KANK1: variants seen among roughly 807,000 people sequenced by gnomAD.
KANK1 encodes the protein KN motif and ankyrin repeat domain-containing protein 1.
Under a neutral mutation model 106.2 loss-of-function variants are expected in KANK1, and 109 were observed. The ratio of observed to expected loss-of-function variants is 1.03; its 90% CI spans 0.88 to 1.20. KANK1 has a LOEUF of 1.20. KANK1 is among the 50% of genes most tolerant of loss of function. The pLI, the probability that KANK1 is intolerant of heterozygous loss-of-function variation, is 0.00. For missense variants in KANK1, 2,399 were observed against 1,710.7 expected, an observed-to-expected ratio of 1.40 and a Z score of -7.10; for synonymous variants, 873 against 652.2, an observed-to-expected ratio of 1.34 and a Z score of -5.16.
In KANK1 at chr9:744,944, G is replaced by C. The variant is rs1836803690; in HGVS notation, c.3997-229G>C. ...GATGGCAGGCAGCCTGTAGTCCACA[G>C]TTCACTCTGAGTGGGAAGGTGACTT... is the stretch of plus-strand genomic sequence containing the variant. On this transcript the variant is annotated intron_variant, in intron 11 of 11. Coordinates refer to ENST00000382297, the MANE Select transcript of KANK1 (RefSeq NM_015158.5). 5.5e-5 allele frequency: 80 copies of C among 1,444,584 alleles called. 2 individuals carry two copies. The South Asian group carries it at 1.1e-3, about 20-fold the overall frequency. 89.5% of individuals were successfully genotyped at this position (1,444,584 alleles called of 1,614,324 possible). A position where few individuals can be genotyped will look rare whatever the true frequency, so the allele number is the denominator to read the frequency against.
chr9:559,938 T>C (rs1335950150), intron 1 of KANK1, among the ~76,000 whole-genome samples: 1 of 152,246 alleles, frequency 6.6e-6, no homozygotes, highest in East Asian at 1.9e-4. Context: ...TTTTACCATG[T>C]ATTATAGTTA....
chr9:742,135 C>G (rs1212452062), intron 9 of KANK1, 70 bp from the exon 10 acceptor site: 12 of 1,318,494 alleles, frequency 9.1e-6, no homozygotes, highest in Non-Finnish European at 1.3e-5. Flanking sequence ...TTCCCTAGCA[C>G]AGCCCCACTA....
intron 1 of KANK1, among the ~76,000 whole-genome samples, chr9:539,321 C>G (rs1436721906): frequency 6.6e-6 from 1 of 152,194 alleles, no homozygotes; most frequent in East Asian, 1.9e-4. Flanking sequence ...AGTATTAAAT[C>G]TGTAGGTCAC....
In KANK1 at chr9:594,807, A is replaced by G. The variant is rs144958473; in HGVS notation, c.-83-82083A>G. Among the ~76,000 whole-genome samples the G allele has an allele frequency of 7.8e-3, 1,192 of 151,964 alleles. 14 individuals carry two copies. The highest frequency in any genetic ancestry group is 0.014 in the Middle Eastern group (4 of 294). On this transcript the variant is annotated intron_variant, in intron 1 of 11. Coordinates refer to ENST00000382297, the MANE Select transcript of KANK1 (RefSeq NM_015158.5). ...ATGAGGAGAAGGCTTTTAAAACCAAATATAAAAATCTGGAGAGTTCAGATT... is the reference window on the plus strand; with the variant it reads ...ATGAGGAGAAGGCTTTTAAAACCAAGTATAAAAATCTGGAGAGTTCAGATT...
chr9:615,406 A>G (rs1831567015), intron 1 of KANK1, among the ~76,000 whole-genome samples: 1 of 152,150 alleles, frequency 6.6e-6, no homozygotes. Context: ...TTCTTTCTAC[A>G]GAAGTATCAC....
At chr9:582,496 G>A (rs1822425012) in intron 1 of KANK1, among the ~76,000 whole-genome samples, 1 of 152,104 alleles carries the variant, frequency 6.6e-6, no homozygotes, top group Admixed American at 6.5e-5. Context: ...CTCACACTGT[G>A]CACTTTTGCC....
intron 1 of KANK1, among the ~76,000 whole-genome samples, chr9:603,488 C>T (rs1828292299): frequency 6.6e-6 from 1 of 151,728 alleles, no homozygotes; most frequent in African/African-American, 2.4e-5. Flanking sequence ...TTCTTGGTGC[C>T]TTTAGACCTA....
At chr9:492,302 T>C (rs909646799) in intron 3 of KANK1, 19 of 152,196 alleles carry the variant, frequency 1.2e-4, no homozygotes, top group African/African-American at 4.6e-4. Flanking sequence ...TTGCAAAGCA[T>C]CGATAGTTAG....
intron 1 of KANK1, among the ~76,000 whole-genome samples, chr9:670,511 A>C (rs1251736602): frequency 6.6e-6 from 1 of 152,020 alleles, no homozygotes. Flanking sequence ...GCCTGGCTGG[A>C]ATGGGGGAGG....
At chr9:519,672 T>C (rs1342648639) in intron 1 of KANK1, among the ~76,000 whole-genome samples, 4 of 151,794 alleles carry the variant, frequency 2.6e-5, no homozygotes, top group African/African-American at 4.9e-5. Context: ...GAGACTGGTA[T>C]GCCAGTTAAG....
rs754463619 is a variant in KANK1, at chr9:740,820, G to A, written c.3582G>A (p.Lys1194=). 9.3e-6 allele frequency: 15 copies of A among 1,613,244 alleles called. No homozygotes were observed. Among genetic ancestry groups the A allele is most frequent in the Non-Finnish European group, 1.3e-5 (15 of 1,179,930 alleles). The change falls in exon 9 of 12, where the codon AAG becomes AAA. Residue 1194 remains lysine, a synonymous_variant. Coordinates refer to ENST00000382297, the MANE Select transcript of KANK1 (RefSeq NM_015158.5). ...TGTGTAATGTGGATCACCAGAACAA[G>A]GCAGGCTACACCCCCATCATGTTGG... The part of the protein sequence containing the change: ...ADVCNVDHQN[K]AGYTPIMLAA...
At chr9:555,186 C>T (rs2061506903) in intron 1 of KANK1, among the ~76,000 whole-genome samples, 1 of 152,168 alleles carries the variant, frequency 6.6e-6, no homozygotes, top group Admixed American at 6.5e-5. Context: ...TAGCTAATCC[C>T]TGAGAAAGCC....
chr9:706,052 G>A (rs992360685), intron 2 of KANK1, among the ~76,000 whole-genome samples: 4 of 152,024 alleles, frequency 2.6e-5, no homozygotes, highest in Non-Finnish European at 5.9e-5. Context: ...ACATACACTA[G>A]AAAACAGGAT....
chr9:528,479 T>C (rs1453566067), intron 1 of KANK1, among the ~76,000 whole-genome samples: 1 of 73,356 alleles, frequency 1.4e-5, no homozygotes, highest in Admixed American at 1.7e-4. Flanking sequence ...CTTTTTTTTT[T>C]TTTTTTTTTT....
At chr9:555,457 TTAAA>T (rs1254508540) in intron 1 of KANK1, among the ~76,000 whole-genome samples, 16 of 152,210 alleles carry the variant, frequency 1.1e-4, no homozygotes, top group African/African-American at 2.9e-4. Context: ...TACTGCTAAA[TTAAA>T]TAAATCAAAT....
chr9:738,021 T>G (rs533017720), intron 7 of KANK1, among the ~76,000 whole-genome samples: 1 of 152,308 alleles, frequency 6.6e-6, no homozygotes, highest in African/African-American at 2.4e-5. Context: ...CATTTGAAAC[T>G]CAGTGGTCTG....
At chr9:521,981 T>C (rs1436009565) in intron 1 of KANK1, among the ~76,000 whole-genome samples, 1 of 151,806 alleles carries the variant, frequency 6.6e-6, no homozygotes, top group East Asian at 1.9e-4. Flanking sequence ...CCCTTTTGCC[T>C]CTCTCAGTGG....
chr9:636,303 A>C (rs1285702742), intron 1 of KANK1, among the ~76,000 whole-genome samples: 1 of 152,164 alleles, frequency 6.6e-6, no homozygotes, highest in East Asian at 1.9e-4. Context: ...CAGAGCTCTT[A>C]TCCAGACTGC....
At chr9:612,565 T>A (rs963946490) in intron 1 of KANK1, among the ~76,000 whole-genome samples, 1 of 152,114 alleles carries the variant, frequency 6.6e-6, no homozygotes, top group Non-Finnish European at 1.5e-5. Context: ...GTTAAAAACG[T>A]TTCATATTAA....
Sources: allele counts gnomAD v4.1 joint callset (sites outside exome capture counted in the v4.1 genomes callset), GRCh38; gene constraint gnomAD v4.1.1; transcripts MANE v1.5; gene names NCBI Gene and HGNC (gene_info 2026-07-23, HGNC 2026-07-21).